The following ZCCHC2 variants were observed in gnomAD, a reference collection of about 807,000 sequenced individuals.
The protein encoded by ZCCHC2 is zinc finger CCHC domain-containing protein 2.
A neutral mutation model predicts 103.6 loss-of-function variants in ZCCHC2; 39 were observed. The observed-to-expected ratio is 0.38, with a 90% CI of 0.29 to 0.49. ZCCHC2 has a LOEUF of 0.49. ZCCHC2 is among the 20% of genes least tolerant of loss of function. ZCCHC2 has a pLI of 0.96. For missense variants in ZCCHC2, 1,483 were observed against 1,491.0 expected (o/e 0.99, Z 0.09); for synonymous variants, 687 against 608.9 (o/e 1.13, Z -1.89).
Position 62,574,231 on chromosome 18 carries a change from C to T in ZCCHC2, c.2150C>T (p.Ser717Phe), listed in dbSNP as rs1916707097. The T allele has an allele frequency of 6.2e-7, 1 of 1,613,910 alleles. No individual in the cohort carries two copies. Among genetic ancestry groups the T allele is most frequent in the Non-Finnish European group, 8.5e-7 (1 of 1,179,912 alleles). The change falls in exon 13 of 14, where the codon TCT becomes TTT. Residue 717 changes from serine to phenylalanine, a missense_variant. Around this residue, in one of 3 missense-constraint regions of ZCCHC2, gnomAD observed 884 missense variants for 907.5 expected, o/e 0.97. Transcript: ENST00000269499. ...AACTCACCCAAGTATCAGCATATTT[C>T]TTTTATGCCAACGTTACACTGTGTC... ...PLNSPKYQHI[S>F]FMPTLHCVMH...
chr18:62,524,559 C>CCA (rs1463582536), intron 1 of ZCCHC2, 196 bp downstream of exon 1: 2 of 822,798 alleles, frequency 2.4e-6, no homozygotes, highest in Admixed American at 7.7e-5. Flanking sequence ...CCACCCCACC[C>CCA]CACACCCCGG....
chr18:62,526,935 C>G (rs971587795), intron 1 of ZCCHC2: 1 of 146,494 alleles, frequency 6.8e-6, no homozygotes, highest in Non-Finnish European at 1.5e-5. Context: ...ACTCGAGAAC[C>G]ACGTGGATGC....
chr18:62,553,053 G>A (rs1391711612), intron 5 of ZCCHC2, among the ~76,000 whole-genome samples: 3 of 152,034 alleles, frequency 2.0e-5, no homozygotes, highest in Non-Finnish European at 4.4e-5. Context: ...GAATGCAGAG[G>A]TGTGTACTGA....
rs74600267 is a variant in ZCCHC2, at chr18:62,541,590, A to C, written c.1052-908A>C. Among the ~76,000 whole-genome samples, 684 of 152,142 alleles carry C rather than the reference A, an allele frequency of 4.5e-3. 9 individuals carry two copies. The highest frequency in any genetic ancestry group is 0.016 in the African/African-American group (654 of 41,522). On this transcript the variant is annotated intron_variant, in intron 2 of 13. Transcript: ENST00000269499. The stretch of plus-strand genomic sequence containing the variant: ...ACCCATTCTGTTGAGTTACTTTCCT[A>C]ACCTCTTCTCTGTAACCTTTAGCAT...
At chr18:62,540,781 A>T (rs1445218012) in intron 2 of ZCCHC2, among the ~76,000 whole-genome samples, 1 of 152,216 alleles carries the variant, frequency 6.6e-6, no homozygotes, top group African/African-American at 2.4e-5. Context: ...CCTACTTCTT[A>T]AAAAGTGTAA....
chr18:62,544,393 G>A (rs960332872), intron 3 of ZCCHC2, among the ~76,000 whole-genome samples: 27 of 152,136 alleles, frequency 1.8e-4, no homozygotes, highest in Non-Finnish European at 3.5e-4. Flanking sequence ...GTAAACTCTA[G>A]TTATTTCCCT....
intron 5 of ZCCHC2, among the ~76,000 whole-genome samples, chr18:62,550,839 G>A (rs143742615): frequency 2.6e-5 from 4 of 152,306 alleles, no homozygotes; most frequent in Non-Finnish European, 4.4e-5. Flanking sequence ...GTGAAGGGCA[G>A]CCCTGCTTTC....
rs1361183512 is a variant in ZCCHC2, at chr18:62,523,525, C to T, written c.101C>T (p.Pro34Leu). The T allele has an allele frequency of 4.2e-6, 4 of 963,304 alleles. No homozygotes were observed. The highest frequency in any genetic ancestry group is 1.2e-4 in the East Asian group (1 of 8,132). 59.7% of individuals were successfully genotyped at this position (963,304 alleles called of 1,614,324 possible). A position where few individuals can be genotyped will look rare whatever the true frequency, so the allele number is the denominator to read the frequency against. ...EADARPGAKA[P>L]SRRRRDCRPP... Reference sequence around the variant, plus strand: ...GACGCGCGGCCGGGCGCGAAGGCGCCTTCGCGCCGCCGCCGCGACTGCCGC... The same window carrying T: ...GACGCGCGGCCGGGCGCGAAGGCGCTTTCGCGCCGCCGCCGCGACTGCCGC... The change falls in exon 1 of 14, where the codon CCT (proline) becomes CTT (leucine). Residue 34 changes from proline (P) to leucine (L), a missense_variant. Transcript: ENST00000269499.
In ZCCHC2 at chr18:62,565,232, T is replaced by C. The variant is rs767851234; in HGVS notation, c.1846+136T>C. ...TACCTTGTGTTGATATGTACAGCAATTTCCAAATTAAACAGTTCTGAAATC... is the reference window on the plus strand; with the variant it reads ...TACCTTGTGTTGATATGTACAGCAACTTCCAAATTAAACAGTTCTGAAATC... On this transcript the variant is annotated intron_variant, in intron 11 of 13. Coordinates refer to ENST00000269499, the MANE Select transcript of ZCCHC2 (RefSeq NM_017742.6). 4 of 615,814 alleles carry C rather than the reference T, an allele frequency of 6.5e-6. No individual in the cohort carries two copies. The African/African-American group carries it at 7.5e-5, about 11-fold the overall frequency. 38.1% of individuals were successfully genotyped at this position (615,814 alleles called of 1,614,324 possible). A position where few individuals can be genotyped will look rare whatever the true frequency, so the allele number is the denominator to read the frequency against.
At chr18:62,539,000 T>TC (rs1568541690) in intron 1 of ZCCHC2, among the ~76,000 whole-genome samples, 5 of 151,546 alleles carry the variant, frequency 3.3e-5, no homozygotes, top group Admixed American at 6.6e-5. Flanking sequence ...TTTACTTACT[T>TC]AATATGATGT....
At chr18:62,564,461 CT>C in intron 9 of ZCCHC2, 109 bp from the exon 10 acceptor site, 1 of 774,040 alleles carries the variant, frequency 1.3e-6, no homozygotes, top group South Asian at 2.7e-5. Flanking sequence ...GAAATCAACA[CT>C]TGTTAGAATA....
In ZCCHC2 at chr18:62,575,364, A is replaced by G; in HGVS notation, c.3283A>G (p.Asn1095Asp). Residue 1095 changes from asparagine to aspartate, a missense_variant, in exon 13 of 14, where the codon AAC (asparagine) becomes GAC (aspartate). Asn to Asp is a conservative substitution (Grantham distance 23, BLOSUM62 1). This residue lies in a region of ZCCHC2 where 884 missense variants were observed against 907.5 expected (regional missense o/e 0.97). Transcript: ENST00000269499. Reference protein sequence around the residue: ...VHDPVMGSQANYGMQQMAGFG... With the variant: ...VHDPVMGSQADYGMQQMAGFG... ...TGACCCAGTCATGGGGAGCCAAGCC[A>G]ACTATGGCATGCAGCAGATGGCAGG... 6.2e-7 allele frequency: 1 copy of G among 1,613,982 alleles called. No homozygotes were observed. The highest frequency in any genetic ancestry group is 8.5e-7 in the Non-Finnish European group (1 of 1,179,878).
intron 11 of ZCCHC2, among the ~76,000 whole-genome samples, chr18:62,569,450 A>G (rs1916502125): frequency 6.6e-6 from 1 of 152,052 alleles, no homozygotes; most frequent in South Asian, 2.1e-4. Flanking sequence ...TACGCTAGCT[A>G]CTGGGTTTAC....
Position 62,553,769 on chromosome 18 carries a change from G to A in ZCCHC2, c.1314-2434G>A, listed in dbSNP as rs573902589. On this transcript the variant is annotated intron_variant, in intron 5 of 13. Coordinates refer to ENST00000269499, the MANE Select transcript of ZCCHC2 (RefSeq NM_017742.6). ...TTTGCCCATCTCGGAAAGACAGTCCGATTTCAGTTTGTGTTTGAGTAGGCT... is the reference window on the plus strand; with the variant it reads ...TTTGCCCATCTCGGAAAGACAGTCCAATTTCAGTTTGTGTTTGAGTAGGCT... 1.1e-3 allele frequency among the ~76,000 whole-genome samples: 172 copies of A among 152,266 alleles called. 1 individual carries two copies. Among genetic ancestry groups the A allele is most frequent in the Non-Finnish European group, 1.6e-3 (112 of 68,018 alleles).
intron 4 of ZCCHC2, among the ~76,000 whole-genome samples, chr18:62,547,098 G>A (rs2145503151): frequency 6.6e-6 from 1 of 152,190 alleles, no homozygotes; most frequent in Admixed American, 6.5e-5. Context: ...GCTGAGGCAG[G>A]TGGATCATCT....
In ZCCHC2 at chr18:62,523,436, G is replaced by A; in HGVS notation, c.12G>A (p.Met4Ile). MLR[M>I]KLPLKPTHPA... ...CGCCCTAGCCGAGGATGCTGAGGATGAAGCTGCCGCTGAAGCCAACGCACC... is the reference window on the plus strand; with the variant it reads ...CGCCCTAGCCGAGGATGCTGAGGATAAAGCTGCCGCTGAAGCCAACGCACC... Residue 4 changes from methionine to isoleucine, a missense_variant, in exon 1 of 14, where the codon ATG (methionine) becomes ATA (isoleucine). Physicochemically the swap from Met to Ile is conservative, Grantham distance 10. Coordinates refer to ENST00000269499, the MANE Select transcript of ZCCHC2 (RefSeq NM_017742.6). The A allele has an allele frequency of 1.8e-6, 2 of 1,101,670 alleles. No homozygotes were observed. Among genetic ancestry groups the A allele is most frequent in the Non-Finnish European group, 2.2e-6 (2 of 892,410 alleles). The allele number at this position is 1,101,670 out of a possible 1,614,324, so 68.2% of individuals were successfully genotyped here.
At chr18:62,573,972 T>C (rs952559423) in intron 12 of ZCCHC2, 85 bp from the exon 13 acceptor site, 1 of 1,354,688 alleles carries the variant, frequency 7.4e-7, no homozygotes, top group Non-Finnish European at 1.0e-6. Flanking sequence ...CTTGAGTTAC[T>C]TTGAGGTATA....
At position 62,570,183 on chromosome 18, in the gene ZCCHC2, C is replaced by T; in HGVS notation, c.1927C>T (p.Arg643Ter). Reference sequence around the variant, plus strand: ...GAGTTACAGTTCTCCATCTAGTCCCCGACATGATGGAAGAGAAAGTTTTGA... The same window carrying T: ...GAGTTACAGTTCTCCATCTAGTCCCTGACATGATGGAAGAGAAAGTTTTGA... ...SESYSSPSSP[R>*]HDGRESFESE... The change falls in exon 12 of 14, where the codon CGA becomes TGA. Residue 643 changes from arginine to a stop codon, truncating the protein, a stop_gained. Transcript: ENST00000269499. LOFTEE classifies it high-confidence loss of function. The T allele has an allele frequency of 6.2e-7, 1 of 1,611,500 alleles. No homozygotes were observed. The highest frequency in any genetic ancestry group is 8.5e-7 in the Non-Finnish European group (1 of 1,178,724).
downstream of ZCCHC2, among the ~76,000 whole-genome samples, chr18:62,580,682 C>T (rs3017397): frequency 0.015 from 8 of 536 alleles, no homozygotes; most frequent in African/African-American, 0.068. Flanking sequence ...CCTCCCGAGA[C>T]GGTGTCACAG....
Sources: gnomAD v4.1 joint callset for allele counts (sites outside exome capture counted in the v4.1 genomes callset) on GRCh38, gnomAD v4.1.1 for gene constraint, gnomAD v4.1.1 regional missense constraint, MANE v1.5 for transcripts, NCBI Gene and HGNC (gene_info 2026-07-23, HGNC 2026-07-21) for gene names.